Variants in ST3GAL5 observed in about 807,000 individuals in gnomAD.
The protein encoded by ST3GAL5 is ST3 beta-galactoside alpha-2,3-sialyltransferase 5, also known as lactosylceramide alpha-2,3-sialyltransferase.
ST3GAL5 carries 25 observed loss-of-function variants against 46.1 expected under a neutral mutation model. The observed-to-expected ratio is 0.54, with a 90% CI of 0.40 to 0.76. ST3GAL5 has a LOEUF of 0.76. Ranked by LOEUF, ST3GAL5 falls within the 30% of genes least tolerant of loss-of-function variation. The pLI is 0.00. For synonymous variants in ST3GAL5, 182 were observed against 192.7 expected (o/e 0.94, Z 0.46); for missense variants, 431 against 521.2 (o/e 0.83, Z 1.69).
At chr2:85,858,127 A>C (rs1684347408) in intron 3 of ST3GAL5, 1 of 152,134 alleles carries the variant, frequency 6.6e-6, no homozygotes, top group Non-Finnish European at 1.5e-5. Flanking sequence ...GTTCTTTGAG[A>C]GCCTACCGTT....
chr2:85,840,546 G>T, intron 6 of ST3GAL5, 154 bp from the exon 7 acceptor site: 1 of 796,652 alleles, frequency 1.3e-6, no homozygotes, highest in Non-Finnish European at 2.1e-6. Flanking sequence ...GAACTTTAGA[G>T]TCCAACTCTC....
At chr2:85,851,638 C>T in intron 3 of ST3GAL5, 1 of 1,289,460 alleles carries the variant, frequency 7.8e-7, no homozygotes, top group Non-Finnish European at 1.0e-6. Context: ...CTTCCCCCTC[C>T]ACTGCTTGCC....
chr2:85,886,258 C>G (rs1464598772), intron 1 of ST3GAL5, among the ~76,000 whole-genome samples: 1 of 152,158 alleles, frequency 6.6e-6, no homozygotes, highest in Non-Finnish European at 1.5e-5. Flanking sequence ...ACAGTGGGAG[C>G]CGTCTCTACA....
intron 1 of ST3GAL5, chr2:85,870,156 GTTT>G (rs1240037086): frequency 2.1e-6 from 1 of 467,798 alleles, no homozygotes; most frequent in Non-Finnish European, 4.5e-6. Context: ...TTCTTCATAA[GTTT>G]TTTACTTTTG....
chr2:85,882,610 C>T (rs957132117), intron 1 of ST3GAL5, among the ~76,000 whole-genome samples: 4 of 151,972 alleles, frequency 2.6e-5, no homozygotes, highest in African/African-American at 9.7e-5. Context: ...AGGTGGATCA[C>T]TTGAGGTCAG....
At chr2:85,882,696 G>A (rs1403089700) in intron 1 of ST3GAL5, among the ~76,000 whole-genome samples, 2 of 152,038 alleles carry the variant, frequency 1.3e-5, no homozygotes. Context: ...AGCCGGATGT[G>A]GTGGCACACA....
At position 85,873,095 on chromosome 2, in the gene ST3GAL5, G is replaced by T. The variant is rs111804174; in HGVS notation, c.83-9610C>A. Among the ~76,000 whole-genome samples, 4 of 152,300 alleles carry T rather than the reference G, an allele frequency of 2.6e-5. 1 individual carries two copies. The highest frequency in any genetic ancestry group is 9.6e-5 in the African/African-American group (4 of 41,564). ...CAGGCAGGACGAGAGCAGCGTTGTG[G>T]CCCTGCTGTGGCCACTGAATGTTGG... On this transcript the variant is annotated intron_variant, in intron 1 of 6. Transcript: ENST00000638572.
intron 1 of ST3GAL5, among the ~76,000 whole-genome samples, chr2:85,882,654 C>T (rs1687288091): frequency 7.0e-6 from 1 of 141,968 alleles, no homozygotes; most frequent in Admixed American, 7.4e-5. Context: ...CATGGTGAAA[C>T]CCCATCTCTA....
intron 6 of ST3GAL5, among the ~76,000 whole-genome samples, chr2:85,842,559 C>T (rs958793173): frequency 6.6e-6 from 1 of 152,122 alleles, no homozygotes; most frequent in Non-Finnish European, 1.5e-5. Flanking sequence ...TTTTAAGTTA[C>T]TGTTTTTATC....
At chr2:85,880,876 T>C (rs1009131998) in intron 1 of ST3GAL5, 1 of 515,546 alleles carries the variant, frequency 1.9e-6, no homozygotes, top group Non-Finnish European at 3.9e-6. Flanking sequence ...GACAAGTAGG[T>C]CTATTTTAAC....
At chr2:85,884,952 T>C (rs937961170) in intron 1 of ST3GAL5, among the ~76,000 whole-genome samples, 5 of 152,284 alleles carry the variant, frequency 3.3e-5, no homozygotes, top group African/African-American at 1.2e-4. Flanking sequence ...TCCTATCACA[T>C]GATACTTAAC....
rs542230801 is a variant in ST3GAL5, at chr2:85,872,552, C to A, written c.83-9067G>T. On this transcript the variant is annotated intron_variant, in intron 1 of 6. Coordinates refer to ENST00000638572, the MANE Select transcript of ST3GAL5 (RefSeq NM_003896.4). ...GAGCCGAGATTGTGCCACTGCACTG[C>A]AGCCTGGGCAACAGAAAGAAAAGCT... Among the ~76,000 whole-genome samples the A allele has an allele frequency of 2.5e-3, 377 of 149,976 alleles. 1 individual carries two copies. Among genetic ancestry groups the A allele is most frequent in the Non-Finnish European group, 4.1e-3 (278 of 67,690 alleles).
intron 6 of ST3GAL5, among the ~76,000 whole-genome samples, chr2:85,842,631 A>C (rs1205127015): frequency 6.6e-6 from 1 of 152,230 alleles, no homozygotes; most frequent in African/African-American, 2.4e-5. Context: ...CAACTAACAG[A>C]CAGATTATAA....
chr2:85,886,461 T>A (rs933128179), intron 1 of ST3GAL5, among the ~76,000 whole-genome samples: 27 of 151,922 alleles, frequency 1.8e-4, no homozygotes, highest in African/African-American at 6.3e-4. Flanking sequence ...AAGTGCTGAG[T>A]GCATGGGCAT....
At chr2:85,847,655 A>C in intron 4 of ST3GAL5, 1 of 1,310,044 alleles carries the variant, frequency 7.6e-7, no homozygotes, top group Non-Finnish European at 9.9e-7. Context: ...AAAATTAGCC[A>C]CGCGTGGTGT....
At chr2:85,850,073 G>C (rs988328298) in intron 3 of ST3GAL5, 1 of 152,000 alleles carries the variant, frequency 6.6e-6, no homozygotes, top group African/African-American at 2.4e-5. Context: ...TTTTAGGAAT[G>C]CATCTATCCT....
At chr2:85,855,945 C>A (rs779131254) in intron 3 of ST3GAL5, 3 of 152,118 alleles carry the variant, frequency 2.0e-5, no homozygotes, top group African/African-American at 7.2e-5. Flanking sequence ...AAGATAATAA[C>A]AAATGTTGAT....
At chr2:85,859,974 G>T (rs1684546902) in intron 3 of ST3GAL5, among the ~76,000 whole-genome samples, 1 of 152,122 alleles carries the variant, frequency 6.6e-6, no homozygotes, top group African/African-American at 2.4e-5. Context: ...ACCAGGCAGA[G>T]AGCAGAGTGG....
At chr2:85,859,633 A>G (rs1211918515) in intron 3 of ST3GAL5, among the ~76,000 whole-genome samples, 1 of 152,224 alleles carries the variant, frequency 6.6e-6, no homozygotes, top group African/African-American at 2.4e-5. Context: ...TGCAGGAGCC[A>G]AGCTGTGCCT....
Sources: gnomAD v4.1 joint callset for allele counts (sites outside exome capture counted in the v4.1 genomes callset) on GRCh38, gnomAD v4.1.1 for gene constraint, MANE v1.5 for transcripts, NCBI Gene and HGNC (gene_info 2026-07-23, HGNC 2026-07-21) for gene names.